The following PDK1 variants were observed in gnomAD, a reference collection of about 807,000 sequenced individuals.
PDK1 encodes the protein pyruvate dehydrogenase kinase 1.
PDK1 carries 39 observed loss-of-function variants against 54.2 expected under a neutral mutation model. That is an observed-to-expected ratio of 0.72 (90% CI 0.56 to 0.94). The LOEUF is 0.94. Ranked by LOEUF, PDK1 falls within the 40% of genes least tolerant of loss-of-function variation. The pLI, the probability that PDK1 is intolerant of heterozygous loss-of-function variation, is 0.00. For synonymous variants in PDK1, 221 were observed against 207.1 expected, an observed-to-expected ratio of 1.07 and a Z score of -0.58; for missense variants, 552 against 566.0, an observed-to-expected ratio of 0.98 and a Z score of 0.25.
At chr2:172,688,103 T>C in the PDK1 span, among the ~76,000 whole-genome samples, 1 of 152,214 alleles carries the variant, frequency 6.6e-6, no homozygotes, top group Non-Finnish European at 1.5e-5. Flanking sequence ...CACATATATT[T>C]TTCCTTGAGA....
the PDK1 span, chr2:172,724,106 A>G: frequency 2.6e-5 from 4 of 152,194 alleles, no homozygotes; most frequent in Admixed American, 6.5e-5. Context: ...TGATTCCACA[A>G]TTTAGATTCC....
the PDK1 span, among the ~76,000 whole-genome samples, chr2:172,628,271 T>C: frequency 6.6e-6 from 1 of 152,358 alleles, no homozygotes; most frequent in South Asian, 2.1e-4. Context: ...TGAGCCTCCT[T>C]GCTTGGCGCC....
chr2:172,589,350 G>A (rs1017412293), intron 9 of PDK1, among the ~76,000 whole-genome samples: 4 of 152,220 alleles, frequency 2.6e-5, no homozygotes, highest in Non-Finnish European at 5.9e-5. Flanking sequence ...AGGGCTAGCA[G>A]CAGCAAAGCT....
the PDK1 span, among the ~76,000 whole-genome samples, chr2:172,647,499 A>G: frequency 3.3e-5 from 5 of 152,348 alleles, no homozygotes; most frequent in Non-Finnish European, 7.3e-5. Context: ...GTGCTAATTC[A>G]AGGACTAAAA....
intron 8 of PDK1, among the ~76,000 whole-genome samples, chr2:172,580,938 G>T (rs1689868492): frequency 6.6e-6 from 1 of 152,202 alleles, no homozygotes; most frequent in Non-Finnish European, 1.5e-5. Context: ...TAGATTAGTG[G>T]TTGCCTAGGG....
rs754721416 is a variant in PDK1 at position 172,593,008 on chromosome 2, C to T, written c.1130C>T (p.Ser377Phe). 4.4e-6 allele frequency: 7 copies of T among 1,608,570 alleles called. No homozygotes were observed. The highest frequency in any genetic ancestry group is 2.2e-5 in the South Asian group (2 of 90,944). The change falls in exon 10 of 11, where the codon TCC becomes TTC. Residue 377 changes from serine to phenylalanine, a missense_variant. Coordinates refer to ENST00000282077, the MANE Select transcript of PDK1 (RefSeq NM_002610.5). ...QYFQGDLKLYSLEGYGTDAVI... is the reference protein window; with the variant it reads ...QYFQGDLKLYFLEGYGTDAVI... ...TTCCAAGGAGACCTGAAGCTGTATT[C>T]CCTAGAGGGTTACGGGACAGATGCA... is the stretch of plus-strand genomic sequence containing the variant.
chr2:172,673,211 T>C, the PDK1 span, among the ~76,000 whole-genome samples: 1 of 152,156 alleles, frequency 6.6e-6, no homozygotes, highest in Non-Finnish European at 1.5e-5. Flanking sequence ...GATTCTTCCC[T>C]TGGGGTGTGT....
chr2:172,640,615 A>C, the PDK1 span, among the ~76,000 whole-genome samples: 3 of 152,234 alleles, frequency 2.0e-5, no homozygotes, highest in Non-Finnish European at 4.4e-5. Flanking sequence ...CTTAAATAAC[A>C]CAGGGATGTG....
chr2:172,579,818 A>G (rs1689798239), intron 8 of PDK1, among the ~76,000 whole-genome samples: 1 of 147,994 alleles, frequency 6.8e-6, no homozygotes. Flanking sequence ...TATTTTCTTG[A>G]TATTTTCCTT....
At chr2:172,639,161 C>T in the PDK1 span, among the ~76,000 whole-genome samples, 1 of 152,184 alleles carries the variant, frequency 6.6e-6, no homozygotes, top group Admixed American at 6.5e-5. Flanking sequence ...AGCCGGATTA[C>T]AGGCATGAGC....
chr2:172,591,449 G>T (rs928329020), intron 9 of PDK1, among the ~76,000 whole-genome samples: 13 of 152,326 alleles, frequency 8.5e-5, no homozygotes, highest in African/African-American at 3.1e-4. Flanking sequence ...TGGCGGTTTT[G>T]GAGAGTCACT....
the PDK1 span, among the ~76,000 whole-genome samples, chr2:172,694,988 T>C: frequency 4.6e-5 from 7 of 152,002 alleles, no homozygotes; most frequent in African/African-American, 7.2e-5. Flanking sequence ...CATTGTGGTG[T>C]GCATCTGTAG....
At position 172,605,301 on chromosome 2, in the gene PDK1, AGAGCCTCT is replaced by A. The variant is rs1174460633; in HGVS notation, c.*9337_*9344del. Reference sequence around the variant, plus strand: ...TCTGGGTGGGACACATAGGCGTTCAAGAGCCTCTGAGCTTAAAGATATGTGAGTGGAGC... The same window carrying A: ...TCTGGGTGGGACACATAGGCGTTCAAGAGCTTAAAGATATGTGAGTGGAGC... On this transcript the variant is annotated 3_prime_UTR_variant, in exon 11 of 11. Transcript: ENST00000282077. The A allele has an allele frequency of 6.6e-6, 1 of 151,984 alleles. No individual in the cohort carries two copies. The highest frequency in any genetic ancestry group is 2.4e-5 in the African/African-American group (1 of 41,310). 9.4% of individuals were successfully genotyped at this position (151,984 alleles called of 1,614,324 possible).
the PDK1 span, among the ~76,000 whole-genome samples, chr2:172,669,701 T>C: frequency 2.0e-5 from 3 of 152,322 alleles, no homozygotes; most frequent in East Asian, 5.8e-4. Context: ...GCAAATTTAA[T>C]AGATGTGAAA....
At chr2:172,709,351 T>C in the PDK1 span, among the ~76,000 whole-genome samples, 1 of 152,188 alleles carries the variant, frequency 6.6e-6, no homozygotes, top group Non-Finnish European at 1.5e-5. Context: ...TATATATTCT[T>C]GTATTTCATC....
At chr2:172,588,290 A>G (rs6723872) in intron 9 of PDK1, among the ~76,000 whole-genome samples, 33,078 of 152,158 alleles carry the variant, frequency 0.22, 4,984 homozygotes, top group African/African-American at 0.43. Context: ...TAGAATTTTT[A>G]TGGAGAGCGG....
At chr2:172,684,592 GTGAC>G in the PDK1 span, among the ~76,000 whole-genome samples, 1 of 152,164 alleles carries the variant, frequency 6.6e-6, no homozygotes, top group South Asian at 2.1e-4. Flanking sequence ...CAGTGCCCCA[GTGAC>G]TTTAATCAAG....
the PDK1 span, among the ~76,000 whole-genome samples, chr2:172,662,239 G>A: frequency 1.3e-5 from 2 of 152,086 alleles, no homozygotes; most frequent in Non-Finnish European, 2.9e-5. Flanking sequence ...ACAATTATAA[G>A]ATATTTACCA....
At position 172,561,519 on chromosome 2, in the gene PDK1, G is replaced by A. The variant is rs114750929; in HGVS notation, c.339-701G>A. On this transcript the variant is annotated intron_variant, in intron 2 of 10. Transcript: ENST00000282077. Reference sequence around the variant, plus strand: ...CAGATCCCTTACACTGTCGAAGAAAGTAATTCAGTGGTAGCAAGTTATTTT... The same window carrying A: ...CAGATCCCTTACACTGTCGAAGAAAATAATTCAGTGGTAGCAAGTTATTTT... Among the ~76,000 whole-genome samples the A allele has an allele frequency of 9.6e-3, 1,463 of 152,332 alleles. 17 individuals carry two copies. Among genetic ancestry groups the A allele is most frequent in the African/African-American group, 0.021 (876 of 41,578 alleles).
Sources: gnomAD v4.1 joint callset for allele counts (sites outside exome capture counted in the v4.1 genomes callset) on GRCh38, gnomAD v4.1.1 for gene constraint, MANE v1.5 for transcripts, NCBI Gene and HGNC (gene_info 2026-07-23, HGNC 2026-07-21) for gene names.